Variants in EXOC4 observed in about 807,000 individuals in gnomAD.
The protein encoded by EXOC4 is SEC8-like 1.
Under a neutral mutation model 107.2 loss-of-function variants are expected in EXOC4, and 71 were observed. That is an observed-to-expected ratio of 0.66 (90% confidence interval 0.55 to 0.81). EXOC4 has a LOEUF of 0.81. Ranked by LOEUF, EXOC4 falls within the 30% of genes least tolerant of loss-of-function variation. EXOC4 has a pLI of 0.00. For missense variants in EXOC4, 1,108 were observed against 1,189.6 expected (o/e 0.93, Z 1.01); for synonymous variants, 456 against 441.2 (o/e 1.03, Z -0.42).
intron 10 of EXOC4, among the ~76,000 whole-genome samples, chr7:133,745,922 A>T (rs991581978): frequency 6.6e-6 from 1 of 152,072 alleles, no homozygotes; most frequent in Admixed American, 6.6e-5. Flanking sequence ...TGTTAAGTGA[A>T]TATGTTTACC....
chr7:133,741,119 C>G (rs1305483211), intron 10 of EXOC4, among the ~76,000 whole-genome samples: 1 of 152,184 alleles, frequency 6.6e-6, no homozygotes, highest in Non-Finnish European at 1.5e-5. Flanking sequence ...TTGGTAAGAA[C>G]TAGAGTTCAG....
At chr7:133,878,825 G>A (rs2116434579) in intron 11 of EXOC4, among the ~76,000 whole-genome samples, 1 of 152,272 alleles carries the variant, frequency 6.6e-6, no homozygotes, top group African/African-American at 2.4e-5. Flanking sequence ...CCAGGTTCAA[G>A]TGATTCTCCT....
At chr7:133,656,166 G>A (rs369916634) in intron 10 of EXOC4, among the ~76,000 whole-genome samples, 2 of 152,214 alleles carry the variant, frequency 1.3e-5, no homozygotes, top group African/African-American at 4.8e-5. Flanking sequence ...CACAGTATTT[G>A]TAGTATAGAA....
chr7:133,484,306 G>A, intron 9 of EXOC4: 1 of 772,110 alleles, frequency 1.3e-6, no homozygotes, highest in Non-Finnish European at 1.9e-6. Context: ...AGATGTGGGT[G>A]CTGCTTCAAA....
rs550857122 is a variant in EXOC4, at chr7:133,552,653, A to T, written c.1417+72515A>T. Among the ~76,000 whole-genome samples the T allele has an allele frequency of 3.3e-5, 5 of 152,190 alleles. No homozygotes were observed. In the East Asian group the frequency reaches 9.7e-4, roughly 29 times the overall value. On this transcript the variant is annotated intron_variant, in intron 9 of 17. Transcript: ENST00000253861. ...CTTAGAATGGGAGTAATGAGGAGGGATAGTTTCCTTAACTAGTGATAGAAA... is the reference window on the plus strand; with the variant it reads ...CTTAGAATGGGAGTAATGAGGAGGGTTAGTTTCCTTAACTAGTGATAGAAA...
At chr7:133,538,879 G>A (rs1261383016) in intron 9 of EXOC4, among the ~76,000 whole-genome samples, 1 of 128,296 alleles carries the variant, frequency 7.8e-6, no homozygotes, top group East Asian at 2.6e-4. Flanking sequence ...GAGAGAGAGA[G>A]AGAGGGAGGG....
chr7:133,706,136 G>A (rs1188865356), intron 10 of EXOC4, among the ~76,000 whole-genome samples: 1 of 152,164 alleles, frequency 6.6e-6, no homozygotes, highest in Non-Finnish European at 1.5e-5. Flanking sequence ...CAGCGAGTTT[G>A]AATTAATGTC....
chr7:133,350,499 C>T (rs1795884888), intron 5 of EXOC4, among the ~76,000 whole-genome samples: 1 of 151,952 alleles, frequency 6.6e-6, no homozygotes, highest in Non-Finnish European at 1.5e-5. Context: ...GTTTTTTCCC[C>T]TAGGGTCTCT....
intron 9 of EXOC4, among the ~76,000 whole-genome samples, chr7:133,548,866 C>G (rs1025810662): frequency 6.6e-6 from 1 of 152,212 alleles, no homozygotes; most frequent in Non-Finnish European, 1.5e-5. Context: ...TCTTGGTTCA[C>G]TAGAGTAGCA....
In EXOC4 at chr7:133,502,039, A is replaced by G. The variant is rs77866543; in HGVS notation, c.1417+21901A>G. 3.0e-3 allele frequency among the ~76,000 whole-genome samples: 456 copies of G among 152,274 alleles called. 4 individuals carry two copies. In the East Asian group the frequency reaches 0.038, roughly 13 times the overall value. ...CATCCAATTTTTTGATTAGCAATGGAGCAGGGCCGCAATTAACACTCGAGG... is the reference window on the plus strand; with the variant it reads ...CATCCAATTTTTTGATTAGCAATGGGGCAGGGCCGCAATTAACACTCGAGG... On this transcript the variant is annotated intron_variant, in intron 9 of 17. Transcript: ENST00000253861.
chr7:133,443,662 G>A (rs763370966), intron 7 of EXOC4, among the ~76,000 whole-genome samples: 11 of 152,110 alleles, frequency 7.2e-5, no homozygotes, highest in Non-Finnish European at 1.2e-4. Flanking sequence ...TGGGTGGTGT[G>A]AGTGGCCTTT....
intron 7 of EXOC4, among the ~76,000 whole-genome samples, chr7:133,428,611 A>G (rs1797780831): frequency 6.6e-6 from 1 of 152,246 alleles, no homozygotes; most frequent in African/African-American, 2.4e-5. Context: ...CTCAATGCTT[A>G]GAAATTTGCT....
At chr7:133,773,180 C>A (rs1322201214) in intron 10 of EXOC4, among the ~76,000 whole-genome samples, 2 of 151,952 alleles carry the variant, frequency 1.3e-5, no homozygotes, top group Non-Finnish European at 2.9e-5. Context: ...TTTTATGGGC[C>A]ACCCAGTACA....
intron 12 of EXOC4, among the ~76,000 whole-genome samples, chr7:133,908,606 C>T (rs934134214): frequency 7.2e-5 from 11 of 152,126 alleles, no homozygotes; most frequent in Non-Finnish European, 1.2e-4. Context: ...CTGTATTTCG[C>T]CTATCAAATG....
intron 17 of EXOC4, among the ~76,000 whole-genome samples, chr7:134,042,999 C>T (rs1490079351): frequency 6.6e-6 from 1 of 152,188 alleles, no homozygotes; most frequent in Non-Finnish European, 1.5e-5. Context: ...CGAGATTGTG[C>T]CACTACACTC....
chr7:133,560,335 A>G (rs981406442), intron 9 of EXOC4, among the ~76,000 whole-genome samples: 11 of 152,124 alleles, frequency 7.2e-5, no homozygotes, highest in African/African-American at 2.7e-4. Context: ...CCCAGGCTAG[A>G]GTGCAGTGGC....
rs565571518 is a variant in EXOC4, at chr7:134,023,609, C to T, written c.2687+15774C>T. Among the ~76,000 whole-genome samples the T allele has an allele frequency of 2.3e-4, 35 of 152,180 alleles. No individual in the cohort carries two copies. In the South Asian group the frequency reaches 3.9e-3, roughly 17 times the overall value. ...TCAAACTCTGAAGGATTAAGTAACC[C>T]GGGTTCTACACTGTGGTAAATGACA... is the stretch of plus-strand genomic sequence containing the variant. On this transcript the variant is annotated intron_variant, in intron 17 of 17. Coordinates refer to ENST00000253861, the MANE Select transcript of EXOC4 (RefSeq NM_021807.4).
At chr7:133,329,995 G>A (rs1397184794) in intron 5 of EXOC4, among the ~76,000 whole-genome samples, 2 of 152,116 alleles carry the variant, frequency 1.3e-5, no homozygotes, top group African/African-American at 2.4e-5. Flanking sequence ...AGGCAGGGAC[G>A]TTTAAGTCTG....
chr7:134,097,568 G>T, the EXOC4 span, among the ~76,000 whole-genome samples: 1 of 152,116 alleles, frequency 6.6e-6, no homozygotes, highest in Admixed American at 6.5e-5. Context: ...GAAAATGGAG[G>T]AGAAAATGGT....
Sources: gnomAD v4.1 joint callset for allele counts (sites outside exome capture counted in the v4.1 genomes callset) on GRCh38, gnomAD v4.1.1 for gene constraint, MANE v1.5 for transcripts, NCBI Gene and HGNC (gene_info 2026-07-23, HGNC 2026-07-21) for gene names.